Variants in C1QTNF1 observed in about 807,000 individuals in gnomAD.
The protein encoded by C1QTNF1 is complement C1q tumor necrosis factor-related protein 1.
Under a neutral mutation model 27.8 loss-of-function variants are expected in C1QTNF1, and 22 were observed. The ratio of observed to expected loss-of-function variants is 0.79; its 90% CI spans 0.56 to 1.13. The LOEUF (loss-of-function observed/expected upper bound fraction) is 1.13. Ranked by LOEUF, C1QTNF1 falls within the 50% of genes most tolerant of loss-of-function variation. The pLI, the probability that C1QTNF1 is intolerant of heterozygous loss-of-function variation, is 0.00. For synonymous variants in C1QTNF1, 166 were observed against 154.3 expected, an observed-to-expected ratio of 1.08 and a Z score of -0.56; for missense variants, 373 against 380.2, an observed-to-expected ratio of 0.98 and a Z score of 0.16.
At chr17:79,035,042 G>A (rs905932777) in intron 1 of C1QTNF1, among the ~76,000 whole-genome samples, 7 of 152,160 alleles carry the variant, frequency 4.6e-5, no homozygotes, top group African/African-American at 1.7e-4. Flanking sequence ...CTCATCAAAT[G>A]GGAGCCACTC....
At chr17:79,028,301 C>A (rs1466949388) in intron 1 of C1QTNF1, among the ~76,000 whole-genome samples, 1 of 152,166 alleles carries the variant, frequency 6.6e-6, no homozygotes, top group Non-Finnish European at 1.5e-5. Flanking sequence ...TGTACCCATC[C>A]CCCTCAGCAA....
At chr17:79,047,489 C>T (rs755452763) in intron 3 of C1QTNF1, 49 bp from the exon 4 acceptor site, 18 of 1,492,636 alleles carry the variant, frequency 1.2e-5, no homozygotes, top group South Asian at 1.1e-4. Flanking sequence ...AGGCTCAGGA[C>T]ACTACCGGAT....
chr17:79,042,542 C>T (rs56182592), intron 1 of C1QTNF1, among the ~76,000 whole-genome samples: 21,177 of 152,276 alleles, frequency 0.14, 1,941 homozygotes, highest in African/African-American at 0.25. Context: ...GCTGATGCGC[C>T]GCCTGGTGGC....
chr17:79,027,410 C>G (rs1399521678), intron 1 of C1QTNF1: 1 of 152,276 alleles, frequency 6.6e-6, no homozygotes, highest in Non-Finnish European at 1.5e-5. Context: ...GAAGAAACAG[C>G]GACGTCAGCT....
rs550255421 is a variant in C1QTNF1 at position 79,031,571 on chromosome 17, C to T, written c.-15+7077C>T. 3.9e-5 allele frequency among the ~76,000 whole-genome samples: 6 copies of T among 152,292 alleles called. No individual in the cohort carries two copies. The East Asian group carries it at 5.8e-4, about 15-fold the overall frequency. On this transcript the variant is annotated intron_variant, in intron 1 of 3. Transcript: ENST00000579760. The stretch of plus-strand genomic sequence containing the variant: ...AAGCAATTCTCCTGCCTCAGCCTCC[C>T]GAGTAGCTGGGATTACAGGCATGTG...
chr17:79,029,770 G>C (rs1408233967), intron 1 of C1QTNF1, among the ~76,000 whole-genome samples: 1 of 152,132 alleles, frequency 6.6e-6, no homozygotes, highest in Non-Finnish European at 1.5e-5. Context: ...TCTCTGGCTC[G>C]CCTAATTCCA....
chr17:79,042,572 A>C (rs918889337), intron 1 of C1QTNF1, among the ~76,000 whole-genome samples: 1 of 152,192 alleles, frequency 6.6e-6, no homozygotes, highest in African/African-American at 2.4e-5. Flanking sequence ...GCTTGCAGCC[A>C]CCTTCCTACC....
chr17:79,026,412 C>A (rs1362402980), intron 1 of C1QTNF1, among the ~76,000 whole-genome samples: 1 of 152,210 alleles, frequency 6.6e-6, no homozygotes, highest in East Asian at 1.9e-4. Flanking sequence ...CTTCAACCTT[C>A]CAAAGTGCTG....
Position 79,048,136 on chromosome 17 carries a change from T to TGGTGACCCCAGGGCTCAGCACCAG in C1QTNF1, c.*49_*50insGTGACCCCAGGGCTCAGCACCAGG. 6.9e-7 allele frequency: 1 copy of TGGTGACCCCAGGGCTCAGCACCAG among 1,449,312 alleles called. No homozygotes were observed. The highest frequency in any genetic ancestry group is 9.1e-7 in the Non-Finnish European group (1 of 1,101,966). The allele number at this position is 1,449,312 out of a possible 1,614,324, so 89.8% of individuals were successfully genotyped here. A position where few individuals can be genotyped will look rare whatever the true frequency, so the allele number is the denominator to read the frequency against. On this transcript the variant is annotated 3_prime_UTR_variant, in exon 4 of 4. Coordinates refer to ENST00000579760, the MANE Select transcript of C1QTNF1 (RefSeq NM_030968.5). ...CTCGCCACCTTCCACCCCTGCGCTG[T>TGGTGACCCCAGGGCTCAGCACCAG]GCTGACCCCACCGCCTCTTCCCCGA...
At chr17:79,024,072 A>AT (rs1344283875), upstream of C1QTNF1, 1 of 151,968 alleles carries the variant, frequency 6.6e-6, no homozygotes, top group Non-Finnish European at 1.5e-5. Flanking sequence ...CGGCCGCTGG[A>AT]TTTCCCTGAG....
chr17:79,024,537 C>A (rs1445344878), intron 1 of C1QTNF1, 43 bp downstream of exon 1: 2 of 152,258 alleles, frequency 1.3e-5, no homozygotes, highest in Non-Finnish European at 2.9e-5. Flanking sequence ...CCCGCCCCAT[C>A]CTCGTGGCTT....
At chr17:79,035,989 C>T (rs1460056026) in intron 1 of C1QTNF1, among the ~76,000 whole-genome samples, 1 of 152,120 alleles carries the variant, frequency 6.6e-6, no homozygotes, top group Non-Finnish European at 1.5e-5. Context: ...GGATGAGATG[C>T]GGATGCATGA....
Position 79,024,217 on chromosome 17 carries a change from C to T in C1QTNF1, c.-292C>T, listed in dbSNP as rs1036318335. The stretch of plus-strand genomic sequence containing the variant: ...TGCGCGTCTGTCCCACTTTCTCCCT[C>T]TCTTCCTTTACTTTCGAGAAACCGC... On this transcript the variant is annotated 5_prime_UTR_variant, in exon 1 of 4. Transcript: ENST00000579760. 3 of 152,388 alleles carry T rather than the reference C, an allele frequency of 2.0e-5. No individual in the cohort carries two copies. The highest frequency in any genetic ancestry group is 2.9e-5 in the Non-Finnish European group (2 of 68,148). 9.4% of individuals were successfully genotyped at this position (152,388 alleles called of 1,614,324 possible). A position where few individuals can be genotyped will look rare whatever the true frequency, so the allele number is the denominator to read the frequency against.
Position 79,043,360 on chromosome 17 carries a change from G to GTTT in C1QTNF1, c.-14-595_-14-594insTTT, listed in dbSNP as rs199672107. The GTTT allele has an allele frequency of 5.6e-3, 2,531 of 454,394 alleles. 66 individuals carry two copies. Among genetic ancestry groups the GTTT allele is most frequent in the African/African-American group, 0.046 (2,275 of 49,960 alleles). 28.1% of individuals were successfully genotyped at this position (454,394 alleles called of 1,614,324 possible). On this transcript the variant is annotated intron_variant, in intron 1 of 3. Transcript: ENST00000579760. ...ATGTGAGCATGTGGATTGCATGTGT[G>GTTT]AGTGCATGTGTGTGGACTGTGTATG... is the stretch of plus-strand genomic sequence containing the variant.
chr17:79,046,546 T>C lies in C1QTNF1; in HGVS notation c.156-9T>C, dbSNP rs1035455361. On this transcript the variant is annotated splice_polypyrimidine_tract_variant and intron_variant, in intron 2 of 3. Transcript: ENST00000579760. This position sits in a 1 kb window ranked among gnomAD's most constrained non-coding sequence, Gnocchi z 4.8. ...GGCTGACTTTCACTGTGATTCTTTATTCCCTCAGGGCTGAAGAACAACATG... is the reference window on the plus strand; with the variant it reads ...GGCTGACTTTCACTGTGATTCTTTACTCCCTCAGGGCTGAAGAACAACATG... 2 of 1,614,054 alleles carry C rather than the reference T, an allele frequency of 1.2e-6. No homozygotes were observed. Among genetic ancestry groups the C allele is most frequent in the African/African-American group, 1.3e-5 (1 of 75,046 alleles).
chr17:79,028,812 C>T (rs149594372), intron 1 of C1QTNF1, among the ~76,000 whole-genome samples: 34 of 152,306 alleles, frequency 2.2e-4, no homozygotes, highest in South Asian at 1.2e-3. Flanking sequence ...GGTGTCTCTT[C>T]ACCCTACAAA....
chr17:79,030,909 T>C (rs2072123628), intron 1 of C1QTNF1, among the ~76,000 whole-genome samples: 1 of 151,484 alleles, frequency 6.6e-6, no homozygotes, highest in African/African-American at 2.4e-5. Flanking sequence ...CCCAAACATC[T>C]TTCCATGTCA....
intron 1 of C1QTNF1, among the ~76,000 whole-genome samples, chr17:79,032,958 C>A (rs2072174110): frequency 6.6e-6 from 1 of 151,428 alleles, no homozygotes. Context: ...ATCCCAGCTA[C>A]TTTGGAGGCT....
chr17:79,045,893 T>C (rs536806670), intron 2 of C1QTNF1, among the ~76,000 whole-genome samples: 32 of 152,126 alleles, frequency 2.1e-4, no homozygotes, highest in African/African-American at 7.5e-4. Flanking sequence ...GTTTCCTGGA[T>C]AGTCTGGGGT....
Sources: allele counts gnomAD v4.1 joint callset (sites outside exome capture counted in the v4.1 genomes callset), GRCh38; gene constraint gnomAD v4.1.1; non-coding constraint Gnocchi (gnomAD v3.1); transcripts MANE v1.5; gene names NCBI Gene and HGNC (gene_info 2026-07-23, HGNC 2026-07-21).